Variants in NUP205 observed in about 807,000 individuals in gnomAD.
The protein encoded by NUP205 is nucleoporin 205, also known as nuclear pore complex protein Nup205.
NUP205 carries 76 observed loss-of-function variants against 253.8 expected under a neutral mutation model. The observed-to-expected ratio is 0.30, with a 90% CI of 0.25 to 0.36. The LOEUF is 0.36. NUP205 is among the 10% of genes least tolerant of loss of function. The probability of loss-of-function intolerance (pLI) is 1.00; values close to 1 mark genes in which losing one functional copy is unlikely to be tolerated. For missense variants in NUP205, 2,162 were observed against 2,425.5 expected (o/e 0.89, Z 2.28); for synonymous variants, 832 against 850.1 (o/e 0.98, Z 0.37).
chr7:135,595,276 T>C (rs1174332363), intron 13 of NUP205, among the ~76,000 whole-genome samples: 1 of 151,862 alleles, frequency 6.6e-6, no homozygotes, highest in Non-Finnish European at 1.5e-5. Context: ...ATGGAGTGAG[T>C]ACAGTTGTGT....
chr7:135,578,891 A>T lies in NUP205; in HGVS notation c.1018A>T (p.Ile340Leu). Residue 340 changes from isoleucine to leucine, a missense_variant, in exon 7 of 43, where the codon ATA (isoleucine) becomes TTA (leucine). Coordinates refer to ENST00000285968, the MANE Select transcript of NUP205 (RefSeq NM_015135.3). Reference sequence around the variant, plus strand: ...TGCCTGGGCGCTGGCATTGAGGGGAATATCCCAGCTACCTGATGTGACAGG... The same window carrying T: ...TGCCTGGGCGCTGGCATTGAGGGGATTATCCCAGCTACCTGATGTGACAGG... ...RLAWALALRG[I>L]SQLPDVTALA... 1.2e-6 allele frequency: 2 copies of T among 1,604,516 alleles called. No homozygotes were observed. Among genetic ancestry groups the T allele is most frequent in the Non-Finnish European group, 1.7e-6 (2 of 1,177,310 alleles).
At chr7:135,586,730 C>G (rs1806474294) in intron 8 of NUP205, among the ~76,000 whole-genome samples, 1 of 152,170 alleles carries the variant, frequency 6.6e-6, no homozygotes, top group Non-Finnish European at 1.5e-5. Context: ...CACAGACTTT[C>G]AGATCTCTGT....
intron 21 of NUP205, 27 bp downstream of exon 21, chr7:135,606,942 C>G: frequency 6.3e-7 from 1 of 1,598,020 alleles, no homozygotes; most frequent in South Asian, 1.1e-5. Flanking sequence ...AAAGGCATTT[C>G]TTTCCTTCCA....
intron 38 of NUP205, among the ~76,000 whole-genome samples, chr7:135,641,309 T>C (rs1418570874): frequency 6.6e-6 from 1 of 152,222 alleles, no homozygotes; most frequent in Non-Finnish European, 1.5e-5. Flanking sequence ...CCAGGATACC[T>C]AATTTCAGTA....
At chr7:135,594,845 T>C in intron 13 of NUP205, 116 bp downstream of exon 13, 2 of 760,378 alleles carry the variant, frequency 2.6e-6, no homozygotes, top group Non-Finnish European at 4.2e-6. Flanking sequence ...ACATCCCAAC[T>C]AGAGTTACGG....
intron 13 of NUP205, among the ~76,000 whole-genome samples, chr7:135,596,265 C>CTAT (rs1280037107): frequency 6.6e-6 from 1 of 152,172 alleles, no homozygotes; most frequent in East Asian, 1.9e-4. Context: ...GTAAAATACT[C>CTAT]TAGATTATTT....
At chr7:135,622,374 G>T (rs1332430127) in intron 30 of NUP205, among the ~76,000 whole-genome samples, 1 of 147,510 alleles carries the variant, frequency 6.8e-6, no homozygotes, top group Non-Finnish European at 1.5e-5. Context: ...AGTGAGCCAA[G>T]ATCATGCCAC....
In NUP205 at chr7:135,622,780, A is replaced by G. The variant is rs1052810669; in HGVS notation, c.4334A>G (p.Lys1445Arg). 6.2e-7 allele frequency: 1 copy of G among 1,613,730 alleles called. No individual in the cohort carries two copies. The highest frequency in any genetic ancestry group is 8.5e-7 in the Non-Finnish European group (1 of 1,179,898). ...TTTTCTGTTTTAATCCTTTTAGCCA[A>G]GAAAACCATGTGGGAAAGGCTGACA... ...PDEPDTLEAA[K>R]KTMWERLTAP... Residue 1445 changes from lysine to arginine, a missense_variant, in exon 31 of 43, where the codon AAG becomes AGG. Physicochemically the swap from Lys to Arg is conservative, Grantham distance 26. Around this residue, in one of 5 missense-constraint regions of NUP205, gnomAD observed 1,144 missense variants for 1,280.9 expected, o/e 0.89. Coordinates refer to ENST00000285968, the MANE Select transcript of NUP205 (RefSeq NM_015135.3).
intron 36 of NUP205, 40 bp downstream of exon 36, chr7:135,635,697 A>G (rs778970680): frequency 8.4e-7 from 1 of 1,185,944 alleles, no homozygotes; most frequent in Admixed American, 1.8e-5. Flanking sequence ...GTTATAAGAC[A>G]TGTTACAAAA....
chr7:135,573,812 G>A lies in NUP205; in HGVS notation c.330G>A (p.Glu110=), dbSNP rs1806069829. 1 of 1,608,734 alleles carries A rather than the reference G, an allele frequency of 6.2e-7. No homozygotes were observed. Among genetic ancestry groups the A allele is most frequent in the African/African-American group, 1.3e-5 (1 of 74,668 alleles). ...ATATTGGAGAATTGGCAGCTGTTGA[G>A]CTTCTTCTTGCTGGTAGGTTGACAT... ...LFDIGELAAV[E]LLLAGEHQQP... Residue 110 remains glutamate (E), a synonymous_variant, in exon 3 of 43, where the codon GAG becomes GAA. Transcript: ENST00000285968.
intron 35 of NUP205, among the ~76,000 whole-genome samples, chr7:135,634,457 C>T (rs1032048755): frequency 9.2e-5 from 14 of 151,986 alleles, no homozygotes; most frequent in African/African-American, 9.7e-5. Context: ...TTCATGATAG[C>T]GTTAGGTGCA....
intron 8 of NUP205, among the ~76,000 whole-genome samples, chr7:135,586,911 C>G (rs975762247): frequency 1.3e-5 from 2 of 152,178 alleles, no homozygotes; most frequent in African/African-American, 4.8e-5. Flanking sequence ...GTGGAATGTT[C>G]TACAAGTGTC....
chr7:135,637,533 T>C (rs537210088), intron 36 of NUP205, among the ~76,000 whole-genome samples: 9 of 152,354 alleles, frequency 5.9e-5, no homozygotes, highest in Non-Finnish European at 1.0e-4. Flanking sequence ...TGTGCCTTGG[T>C]AGACAAAATT....
intron 22 of NUP205, among the ~76,000 whole-genome samples, chr7:135,607,772 A>G (rs1416780291): frequency 1.3e-5 from 2 of 152,002 alleles, no homozygotes; most frequent in African/African-American, 4.8e-5. Context: ...TGTGAAATGG[A>G]CTGTTGAGAG....
At chr7:135,568,619 C>T (rs1332225399) in intron 1 of NUP205, among the ~76,000 whole-genome samples, 5 of 152,094 alleles carry the variant, frequency 3.3e-5, no homozygotes, top group African/African-American at 1.2e-4. Context: ...TAGGTGAGAG[C>T]CAGCCTGAAT....
At chr7:135,630,957 A>C (rs6971576) in intron 35 of NUP205, among the ~76,000 whole-genome samples, 7,437 of 151,428 alleles carry the variant, frequency 0.049, 396 homozygotes, top group African/African-American at 0.13. Context: ...TTTAAGATAT[A>C]GGCTTATTAT....
intron 4 of NUP205, among the ~76,000 whole-genome samples, chr7:135,576,710 C>T (rs1460790790): frequency 6.6e-6 from 1 of 152,012 alleles, no homozygotes; most frequent in Non-Finnish European, 1.5e-5. Context: ...GATGAAATCC[C>T]ATCTCTACAA....
chr7:135,643,371 T>A lies in NUP205; in HGVS notation c.5559+13T>A, dbSNP rs749517964. The A allele has an allele frequency of 5.0e-6, 8 of 1,610,294 alleles. No homozygotes were observed. The Admixed American group carries it at 1.2e-4, about 24-fold the overall frequency. On this transcript the variant is annotated intron_variant, in intron 39 of 42. Coordinates refer to ENST00000285968, the MANE Select transcript of NUP205 (RefSeq NM_015135.3). ...TGAGATAAAAGAGGTACGAATCTTA[T>A]AATGAGCTGGGGGGACTTGAGAAAT...
chr7:135,600,987 C>G lies in NUP205; in HGVS notation c.2374+18C>G, dbSNP rs766344712. 5.1e-6 allele frequency: 7 copies of G among 1,364,920 alleles called. No homozygotes were observed. In the South Asian group the frequency reaches 6.1e-5, roughly 12 times the overall value. The allele number at this position is 1,364,920 out of a possible 1,614,324, so 84.6% of individuals were successfully genotyped here. A position where few individuals can be genotyped will look rare whatever the true frequency, so the allele number is the denominator to read the frequency against. The stretch of plus-strand genomic sequence containing the variant: ...ACTACAAGGTAATTTAATTCTGTCA[C>G]TTTCAAACAAGTTGTCAACTATTTA... On this transcript the variant is annotated intron_variant, in intron 16 of 42. Transcript: ENST00000285968.
Sources: gnomAD v4.1 joint callset for allele counts (sites outside exome capture counted in the v4.1 genomes callset) on GRCh38, gnomAD v4.1.1 for gene constraint, gnomAD v4.1.1 regional missense constraint, MANE v1.5 for transcripts, NCBI Gene and HGNC (gene_info 2026-07-23, HGNC 2026-07-21) for gene names.